Variants in GRIA4 observed in about 807,000 individuals in gnomAD.
GRIA4 encodes glutamate ionotropic receptor AMPA type subunit 4.
GRIA4 carries 34 observed loss-of-function variants against 104.0 expected under a neutral mutation model. That is an observed-to-expected ratio of 0.33 (90% CI 0.25 to 0.44). GRIA4 has a LOEUF of 0.44. Among genes scored for constraint, GRIA4 ranks in the 20% least tolerant of loss-of-function variants. The pLI is 1.00. For synonymous variants in GRIA4, 386 were observed against 381.9 expected (o/e 1.01, Z -0.13); for missense variants, 750 against 1,096.5 (o/e 0.68, Z 4.46).
At position 105,689,344 on chromosome 11, in the gene GRIA4, C is replaced by T. The variant is rs528062166; in HGVS notation, c.248-63637C>T. On this transcript the variant is annotated intron_variant, in intron 3 of 16. Coordinates refer to ENST00000282499, the MANE Select transcript of GRIA4 (RefSeq NM_000829.4). ...TCCAAACCCTCCTTTGCCTGTTCTC[C>T]GATGACAAAATTTAAGGCTTTGTGC... Among the ~76,000 whole-genome samples the T allele has an allele frequency of 1.1e-4, 17 of 152,198 alleles. No homozygotes were observed. In the East Asian group the frequency reaches 2.1e-3, roughly 19 times the overall value.
intron 4 of GRIA4, among the ~76,000 whole-genome samples, chr11:105,816,129 G>A (rs531109806): frequency 2.0e-5 from 3 of 152,226 alleles, no homozygotes; most frequent in Middle Eastern, 3.4e-3. Context: ...TAGGTCTATC[G>A]ATCTTGGGCC....
At chr11:105,825,806 G>C (rs1408671399) in intron 4 of GRIA4, among the ~76,000 whole-genome samples, 1 of 151,888 alleles carries the variant, frequency 6.6e-6, no homozygotes, top group Admixed American at 6.6e-5. Context: ...CTTTTGAATT[G>C]GGAGATCCCT....
rs1280499847 is a variant in GRIA4 at position 105,794,469 on chromosome 11, GTATGTATATATATA to G, written c.487+41253_487+41266del. 8.3e-3 allele frequency among the ~76,000 whole-genome samples: 339 copies of G among 40,764 alleles called. 21 individuals are homozygous for G. Among genetic ancestry groups the G allele is most frequent in the South Asian group, 0.026 (28 of 1,092 alleles). The allele number at this position is 40,764 out of a possible 152,430, so 26.7% of individuals were successfully genotyped here. A position where few individuals can be genotyped will look rare whatever the true frequency, so the allele number is the denominator to read the frequency against. On this transcript the variant is annotated intron_variant, in intron 4 of 16. Coordinates refer to ENST00000282499, the MANE Select transcript of GRIA4 (RefSeq NM_000829.4). The stretch of plus-strand genomic sequence containing the variant: ...TGTGTGTGTCTGTGTGTGTGTATAT[GTATGTATATATATA>G]TATATATATATATATATATATATAT...
chr11:105,807,712 C>T (rs1359895476), intron 4 of GRIA4, among the ~76,000 whole-genome samples: 2 of 151,546 alleles, frequency 1.3e-5, no homozygotes, highest in Non-Finnish European at 3.0e-5. Flanking sequence ...AAGTTGTTTG[C>T]TTGTGTTTTT....
At chr11:105,686,472 C>T (rs984004661) in intron 3 of GRIA4, among the ~76,000 whole-genome samples, 1 of 152,096 alleles carries the variant, frequency 6.6e-6, no homozygotes, top group South Asian at 2.1e-4. Context: ...TCTAGTCAAC[C>T]CTTGATGGGC....
At chr11:105,708,670 A>G (rs886401138) in intron 3 of GRIA4, among the ~76,000 whole-genome samples, 3 of 152,048 alleles carry the variant, frequency 2.0e-5, no homozygotes, top group Non-Finnish European at 2.9e-5. Context: ...TAACTACTTT[A>G]TATGTATACC....
intron 4 of GRIA4, among the ~76,000 whole-genome samples, chr11:105,827,243 T>C (rs1943804373): frequency 6.6e-6 from 1 of 152,010 alleles, no homozygotes; most frequent in South Asian, 2.1e-4. Context: ...TTTCCAAAAG[T>C]ATTTATTCAG....
At chr11:105,786,144 CAAAAAAAAA>C (rs34888562) in intron 4 of GRIA4, among the ~76,000 whole-genome samples, 4 of 89,270 alleles carry the variant, frequency 4.5e-5, no homozygotes, top group South Asian at 4.8e-4. Flanking sequence ...GACCCTTTCT[CAAAAAAAAA>C]AAAAAAAAAA....
At chr11:105,860,746 G>C (rs529326991) in intron 4 of GRIA4, among the ~76,000 whole-genome samples, 1 of 151,886 alleles carries the variant, frequency 6.6e-6, no homozygotes, top group Non-Finnish European at 1.5e-5. Context: ...GGATCACAAG[G>C]TCAGGAGTTC....
chr11:105,619,474 T>C (rs1176846081), intron 3 of GRIA4, among the ~76,000 whole-genome samples: 3 of 151,974 alleles, frequency 2.0e-5, no homozygotes, highest in African/African-American at 7.2e-5. Context: ...TTTAAATAGA[T>C]TTTTTGATAT....
intron 4 of GRIA4, among the ~76,000 whole-genome samples, chr11:105,836,062 T>C (rs1944172307): frequency 1.3e-5 from 2 of 152,118 alleles, no homozygotes; most frequent in Admixed American, 1.3e-4. Context: ...AGTTCAGTAA[T>C]TGCTTCCTTA....
intron 10 of GRIA4, chr11:105,912,318 C>T (rs914257458): frequency 1.2e-5 from 12 of 975,778 alleles, no homozygotes; most frequent in Admixed American, 6.2e-5. Context: ...GGAATTTTGC[C>T]TGTTCTGTGT....
chr11:105,750,067 GT>G (rs1939909974), intron 3 of GRIA4, among the ~76,000 whole-genome samples: 1 of 151,844 alleles, frequency 6.6e-6, no homozygotes, highest in South Asian at 2.1e-4. Context: ...ACATTTTATT[GT>G]TTGAATAATT....
intron 3 of GRIA4, among the ~76,000 whole-genome samples, chr11:105,684,468 G>C (rs1394523224): frequency 6.6e-6 from 1 of 150,850 alleles, no homozygotes; most frequent in Non-Finnish European, 1.5e-5. Context: ...TTGACTTAGA[G>C]TGACCACATT....
intron 14 of GRIA4, among the ~76,000 whole-genome samples, chr11:105,960,042 G>A (rs1459678201): frequency 6.6e-6 from 1 of 152,218 alleles, no homozygotes; most frequent in Non-Finnish European, 1.5e-5. Flanking sequence ...CAGTAGGATC[G>A]CTCTGGCGAT....
intron 3 of GRIA4, among the ~76,000 whole-genome samples, chr11:105,662,553 G>A (rs1191604097): frequency 6.6e-6 from 1 of 151,832 alleles, no homozygotes; most frequent in Non-Finnish European, 1.5e-5. Context: ...TGTCAAATCA[G>A]TAAGAAGAAT....
intron 3 of GRIA4, among the ~76,000 whole-genome samples, chr11:105,725,824 C>T (rs1181858664): frequency 6.6e-6 from 1 of 152,096 alleles, no homozygotes; most frequent in African/African-American, 2.4e-5. Flanking sequence ...CAAGAGAAGC[C>T]ATGAGGGATC....
intron 14 of GRIA4, among the ~76,000 whole-genome samples, chr11:105,960,107 G>T (rs1305524651): frequency 1.3e-5 from 2 of 152,224 alleles, no homozygotes; most frequent in Non-Finnish European, 1.5e-5. Flanking sequence ...GGCACAGGGA[G>T]CAGGACCTAT....
intron 4 of GRIA4, among the ~76,000 whole-genome samples, chr11:105,829,107 A>C (rs1324376880): frequency 6.6e-6 from 1 of 151,946 alleles, no homozygotes; most frequent in East Asian, 1.9e-4. Flanking sequence ...ACACACACAC[A>C]AATAGACTGA....
Sources: gnomAD v4.1 joint callset for allele counts (sites outside exome capture counted in the v4.1 genomes callset) on GRCh38, gnomAD v4.1.1 for gene constraint, MANE v1.5 for transcripts, NCBI Gene and HGNC (gene_info 2026-07-23, HGNC 2026-07-21) for gene names.